RAPGEF1: variants seen among roughly 807,000 people sequenced by gnomAD.
The protein encoded by RAPGEF1 is CRK SH3-binding GNRP.
RAPGEF1 carries 33 observed loss-of-function variants against 143.3 expected under a neutral mutation model. The observed-to-expected ratio is 0.23, with a 90% CI of 0.17 to 0.31. The LOEUF (loss-of-function observed/expected upper bound fraction) is 0.31, where lower values mean the gene tolerates loss of function less well. RAPGEF1 is among the 10% of genes least tolerant of loss of function. The probability of loss-of-function intolerance (pLI) is 1.00; values close to 1 mark genes in which losing one functional copy is unlikely to be tolerated. For synonymous variants in RAPGEF1, 629 were observed against 676.5 expected (o/e 0.93, Z 1.09); for missense variants, 1,199 against 1,645.4 (o/e 0.73, Z 4.69).
chr9:131,692,031 T>C (rs1417413037), intron 1 of RAPGEF1, among the ~76,000 whole-genome samples: 1 of 152,220 alleles, frequency 6.6e-6, no homozygotes, highest in Non-Finnish European at 1.5e-5. Context: ...TTATTTCCAT[T>C]AAGTTCAATA....
intron 1 of RAPGEF1, among the ~76,000 whole-genome samples, chr9:131,716,842 G>T (rs1022415298): frequency 2.0e-5 from 3 of 152,186 alleles, no homozygotes; most frequent in African/African-American, 7.2e-5. Context: ...TAAGTACGTG[G>T]ATTGGCATTC....
Position 131,577,362 on chromosome 9 carries a change from G to C in RAPGEF1, c.*2135C>G, listed in dbSNP as rs1207635708. The C allele has an allele frequency of 6.6e-6, 1 of 152,316 alleles. No individual in the cohort carries two copies. Among genetic ancestry groups the C allele is most frequent in the Non-Finnish European group, 1.5e-5 (1 of 68,086 alleles). 9.4% of individuals were successfully genotyped at this position (152,316 alleles called of 1,614,324 possible). The stretch of plus-strand genomic sequence containing the variant: ...AGGGTCTGTTCTGAATTCAGGGAAG[G>C]TGAAGAGACCCCACCTCTATCCAGC... On this transcript the variant is annotated 3_prime_UTR_variant, in exon 27 of 27. Transcript: ENST00000683357.
At chr9:131,719,650 T>C (rs1456564145) in intron 1 of RAPGEF1, among the ~76,000 whole-genome samples, 3 of 146,740 alleles carry the variant, frequency 2.0e-5, no homozygotes, top group Admixed American at 1.4e-4. Context: ...GCCCATGCAG[T>C]ACCAGGCTCC....
At chr9:131,723,023 G>A (rs531449812) in intron 1 of RAPGEF1, among the ~76,000 whole-genome samples, 79 of 152,202 alleles carry the variant, frequency 5.2e-4, no homozygotes, top group African/African-American at 1.9e-3. Context: ...GTGAAACCCT[G>A]TCTCTACTAA....
chr9:131,587,439 G>C (rs10901074), intron 22 of RAPGEF1, among the ~76,000 whole-genome samples: 15,067 of 152,270 alleles, frequency 0.099, 1,726 homozygotes, highest in African/African-American at 0.28. Flanking sequence ...GCAGTGACCA[G>C]GGCAGGAGGG....
intron 5 of RAPGEF1, among the ~76,000 whole-genome samples, chr9:131,631,938 A>ATCC (rs1326730648): frequency 6.6e-6 from 1 of 152,182 alleles, no homozygotes; most frequent in Non-Finnish European, 1.5e-5. Context: ...CAGAGGGATG[A>ATCC]CTTATCAGTA....
chr9:131,627,838 A>T, intron 9 of RAPGEF1, 75 bp downstream of exon 9: 1 of 1,442,606 alleles, frequency 6.9e-7, no homozygotes, highest in Non-Finnish European at 9.4e-7. Context: ...ATGACCTGGG[A>T]CTCCCACCCA....
intron 1 of RAPGEF1, among the ~76,000 whole-genome samples, chr9:131,656,345 C>A (rs190915964): frequency 1.3e-5 from 2 of 152,216 alleles, no homozygotes; most frequent in Non-Finnish European, 2.9e-5. Context: ...TCCCTGCATA[C>A]GGATCCTATT....
rs184114333 is a variant in RAPGEF1, at chr9:131,626,184, G to A, written c.1440C>T (p.Ser480=). ...AGCCGTCCGCCGTCTGGGAGGCTGC[G>A]CTCCTGCGCTTCTTCTCGGGGAGAG... ...PPALPEKKRR[S]AASQTADGSG... is the part of the protein sequence containing the mutation. The change falls in exon 10 of 27, where the codon AGC becomes AGT. Residue 480 remains serine, a synonymous_variant. Transcript: ENST00000683357. The A allele has an allele frequency of 2.5e-5, 41 of 1,613,966 alleles. No homozygotes were observed. The highest frequency in any genetic ancestry group is 1.6e-4 in the African/African-American group (12 of 75,066).
rs1296564774 is a variant in RAPGEF1, at chr9:131,583,244, C to T, written c.3415-542G>A. Among the ~76,000 whole-genome samples, 2 of 152,166 alleles carry T rather than the reference C, an allele frequency of 1.3e-5. No homozygotes were observed. The highest frequency in any genetic ancestry group is 4.8e-5 in the African/African-American group (2 of 41,438). On this transcript the variant is annotated intron_variant, in intron 24 of 26. Transcript: ENST00000683357. The surrounding 1 kb of genome is among the most constrained non-coding windows in gnomAD (Gnocchi z 4.7). ...GCCAGCCCTGCCCCACTCAGAAGGC[C>T]CCTCTCCTGCCTCTTCTCCTGTTAC...
At chr9:131,597,490 T>C (rs1044712949) in intron 16 of RAPGEF1, among the ~76,000 whole-genome samples, 3 of 152,214 alleles carry the variant, frequency 2.0e-5, no homozygotes, top group Non-Finnish European at 2.9e-5. Flanking sequence ...TGCCCTTTTG[T>C]CCATGTGTCA....
At chr9:131,627,028 A>G (rs1228426999) in intron 9 of RAPGEF1, among the ~76,000 whole-genome samples, 2 of 151,782 alleles carry the variant, frequency 1.3e-5, no homozygotes, top group Non-Finnish European at 2.9e-5. Context: ...CCTGGTCAAC[A>G]TGGTGAAATC....
At chr9:131,664,243 GA>G (rs776169655) in intron 1 of RAPGEF1, among the ~76,000 whole-genome samples, 1 of 152,068 alleles carries the variant, frequency 6.6e-6, no homozygotes, top group Non-Finnish European at 1.5e-5. Context: ...ATTTCTCCAG[GA>G]AATCAGCTTG....
At chr9:131,652,640 T>G (rs770497455) in intron 1 of RAPGEF1, among the ~76,000 whole-genome samples, 1 of 152,198 alleles carries the variant, frequency 6.6e-6, no homozygotes, top group Non-Finnish European at 1.5e-5. Context: ...CCTCCCCATC[T>G]TGTCCCACTG....
At position 131,628,621 on chromosome 9, in the gene RAPGEF1, GGTA is replaced by G; in HGVS notation, c.942_944del (p.Thr315del). On this transcript the variant is annotated inframe_deletion, in exon 8 of 27. Coordinates refer to ENST00000683357, the MANE Select transcript of RAPGEF1 (RefSeq NM_001377935.1). This position sits in a 1 kb window ranked among gnomAD's most constrained non-coding sequence, Gnocchi z 5.7. ...TCATGGGGGCCACCACAGCCACTCG[GGTA>G]GGGGACGGCGCCGACTGTCTTTTCT... 1 of 1,612,890 alleles carries G rather than the reference GGTA, an allele frequency of 6.2e-7. No individual in the cohort carries two copies. Among genetic ancestry groups the G allele is most frequent in the Non-Finnish European group, 8.5e-7 (1 of 1,178,994 alleles).
At chr9:131,593,425 G>C (rs1257386915) in intron 17 of RAPGEF1, among the ~76,000 whole-genome samples, 1 of 152,232 alleles carries the variant, frequency 6.6e-6, no homozygotes, top group African/African-American at 2.4e-5. Flanking sequence ...TGCCTGCTGA[G>C]GTGTGAGGCC....
In RAPGEF1 at chr9:131,604,028, C is replaced by A. The variant is rs760826656; in HGVS notation, c.2345G>T (p.Gly782Val). ...ATACAGATTGACATATTCACCCTCACCAGCTTCCTCACTGGCGTTTTCACT... is the reference window on the plus strand; with the variant it reads ...ATACAGATTGACATATTCACCCTCAACAGCTTCCTCACTGGCGTTTTCACT... Reference protein sequence around the residue: ...DSSENASEEAGEGEYVNLYSS... With the variant: ...DSSENASEEAVEGEYVNLYSS... The change falls in exon 14 of 27, where the codon GGT (glycine) becomes GTT (valine). Residue 782 changes from glycine to valine, a missense_variant. Gly to Val is a moderately radical substitution (Grantham distance 109, BLOSUM62 -3). Coordinates refer to ENST00000683357, the MANE Select transcript of RAPGEF1 (RefSeq NM_001377935.1). 3 of 1,338,340 alleles carry A rather than the reference C, an allele frequency of 2.2e-6. No homozygotes were observed. The South Asian group carries it at 3.6e-5, about 16-fold the overall frequency. 82.9% of individuals were successfully genotyped at this position (1,338,340 alleles called of 1,614,324 possible).
At chr9:131,627,229 A>G (rs1963451143) in intron 9 of RAPGEF1, among the ~76,000 whole-genome samples, 1 of 65,364 alleles carries the variant, frequency 1.5e-5, no homozygotes, top group Non-Finnish European at 4.1e-5. Context: ...AAAAAAAAAA[A>G]AAAAAAAAAA....
At chr9:131,642,016 G>A (rs150718314) in intron 4 of RAPGEF1, among the ~76,000 whole-genome samples, 2 of 152,328 alleles carry the variant, frequency 1.3e-5, no homozygotes, top group African/African-American at 2.4e-5. Flanking sequence ...GTCATCTTGC[G>A]GAATTGCGAC....
Sources: allele counts gnomAD v4.1 joint callset (sites outside exome capture counted in the v4.1 genomes callset), GRCh38; gene constraint gnomAD v4.1.1; non-coding constraint Gnocchi (gnomAD v3.1); transcripts MANE v1.5; gene names NCBI Gene and HGNC (gene_info 2026-07-23, HGNC 2026-07-21).